Variants in STAU1 observed in about 807,000 individuals in gnomAD.
The protein encoded by STAU1 is staufen double-stranded RNA binding protein 1.
Under a neutral mutation model 62.9 loss-of-function variants are expected in STAU1, and 13 were observed. The ratio of observed to expected loss-of-function variants is 0.21; its 90% CI spans 0.13 to 0.33. The LOEUF (loss-of-function observed/expected upper bound fraction) is 0.33. Ranked by LOEUF, STAU1 falls within the 10% of genes least tolerant of loss-of-function variation. The probability of loss-of-function intolerance (pLI) is 1.00; values close to 1 mark genes in which losing one functional copy is unlikely to be tolerated. For missense variants in STAU1, 571 were observed against 712.1 expected (o/e 0.80, Z 2.25); for synonymous variants, 269 against 265.1 (o/e 1.01, Z -0.14).
At chr20:49,135,177 AG>A (rs1352957160) in intron 6 of STAU1, among the ~76,000 whole-genome samples, 1 of 151,074 alleles carries the variant, frequency 6.6e-6, no homozygotes, top group African/African-American at 2.4e-5. Context: ...GAGAAAAGAA[AG>A]TGGGTTATCA....
chr20:49,185,614 G>C (rs890113658), intron 1 of STAU1, among the ~76,000 whole-genome samples: 1 of 152,114 alleles, frequency 6.6e-6, no homozygotes, highest in Admixed American at 6.5e-5. Flanking sequence ...TTTAAGATTT[G>C]TTTCAAAATA....
intron 6 of STAU1, among the ~76,000 whole-genome samples, chr20:49,135,466 A>G (rs2092857648): frequency 2.0e-5 from 3 of 152,236 alleles, no homozygotes; most frequent in Admixed American, 2.0e-4. Context: ...ATTACTCTGA[A>G]GAGACCTTTA....
chr20:49,208,241 G>A, the STAU1 span, among the ~76,000 whole-genome samples: 2 of 152,110 alleles, frequency 1.3e-5, no homozygotes, highest in African/African-American at 4.8e-5. Context: ...TGTATTTTTA[G>A]TAGAGACGGG....
At chr20:49,133,886 G>A (rs2092809805) in intron 6 of STAU1, among the ~76,000 whole-genome samples, 1 of 152,080 alleles carries the variant, frequency 6.6e-6, no homozygotes, top group African/African-American at 2.4e-5. Flanking sequence ...TCAGCAGGGT[G>A]AGGTGAGAAA....
chr20:49,184,986 G>T (rs1047003916), intron 1 of STAU1, among the ~76,000 whole-genome samples: 8 of 152,158 alleles, frequency 5.3e-5, no homozygotes, highest in Admixed American at 2.0e-4. Context: ...AACTTCCATT[G>T]TAAGAGAGAT....
At chr20:49,187,312 T>C (rs540932278) in intron 1 of STAU1, among the ~76,000 whole-genome samples, 3 of 152,142 alleles carry the variant, frequency 2.0e-5, no homozygotes, top group Non-Finnish European at 4.4e-5. Context: ...GCATCCATCG[T>C]TTACAGACTG....
Position 49,135,828 on chromosome 20 carries a change from C to T in STAU1, c.609+5G>A, listed in dbSNP as rs780056670. The T allele has an allele frequency of 2.5e-6, 4 of 1,610,554 alleles. No individual in the cohort carries two copies. Among genetic ancestry groups the T allele is most frequent in the East Asian group, 4.5e-5 (2 of 44,860 alleles). On this transcript the variant is annotated splice_donor_5th_base_variant and intron_variant, in intron 6 of 13. Coordinates refer to ENST00000371856, the MANE Select transcript of STAU1 (RefSeq NM_017453.4). ...TACAAAGTCCTACATGTAAAATTAG[C>T]TTACCTCGAAATTCACAGGCAAGTT...
At chr20:49,195,850 A>G in the STAU1 span, among the ~76,000 whole-genome samples, 1 of 138,236 alleles carries the variant, frequency 7.2e-6, no homozygotes, top group Non-Finnish European at 1.5e-5. Context: ...TTGCAGTGAG[A>G]TAGCGCCATT....
At chr20:49,132,832 T>C (rs2092781388) in intron 6 of STAU1, among the ~76,000 whole-genome samples, 1 of 152,182 alleles carries the variant, frequency 6.6e-6, no homozygotes, top group African/African-American at 2.4e-5. Context: ...TCTTCCCCTA[T>C]TAAAACACCT....
the STAU1 span, among the ~76,000 whole-genome samples, chr20:49,213,268 T>C: frequency 6.6e-6 from 1 of 152,038 alleles, no homozygotes; most frequent in Non-Finnish European, 1.5e-5. Flanking sequence ...TTTCTCTCTG[T>C]CACCCAGGCT....
At position 49,147,592 on chromosome 20, in the gene STAU1, T is replaced by C. The variant is rs1385714292; in HGVS notation, c.510+3990A>G. Among the ~76,000 whole-genome samples the C allele has an allele frequency of 1.8e-4, 27 of 152,248 alleles. 1 individual carries two copies. The highest frequency in any genetic ancestry group is 1.8e-3 in the Admixed American group (27 of 15,284). On this transcript the variant is annotated intron_variant, in intron 5 of 13. Coordinates refer to ENST00000371856, the MANE Select transcript of STAU1 (RefSeq NM_017453.4). ...ACTTGGCCATATGTACCACCATGCA[T>C]ACCCGCTGGTTCAGCAATTCCACTT...
At chr20:49,211,377 T>TC in the STAU1 span, among the ~76,000 whole-genome samples, 1 of 151,426 alleles carries the variant, frequency 6.6e-6, no homozygotes, top group African/African-American at 2.4e-5. Context: ...TCTTTTTTTT[T>TC]TTCTTTTAAT....
intron 6 of STAU1, among the ~76,000 whole-genome samples, chr20:49,127,204 A>G (rs1031734480): frequency 1.3e-5 from 2 of 151,932 alleles, no homozygotes; most frequent in Non-Finnish European, 2.9e-5. Flanking sequence ...AATATAAAAA[A>G]TTAGCTGGGC....
In STAU1 at chr20:49,177,611, G is replaced by A. The variant is rs143923594; in HGVS notation, c.-159-3342C>T. On this transcript the variant is annotated intron_variant, in intron 1 of 13. Coordinates refer to ENST00000371856, the MANE Select transcript of STAU1 (RefSeq NM_017453.4). ...GGAGACTGGCATGAATTCAGGAGGC[G>A]GAGCTTGCAGTGAGCCGAGATCACA... Among the ~76,000 whole-genome samples the A allele has an allele frequency of 9.1e-3, 1,374 of 151,326 alleles. 21 individuals carry two copies. The highest frequency in any genetic ancestry group is 0.029 in the African/African-American group (1,187 of 41,212).
At chr20:49,148,540 ACT>A (rs2093174971) in intron 5 of STAU1, among the ~76,000 whole-genome samples, 1 of 152,182 alleles carries the variant, frequency 6.6e-6, no homozygotes. Context: ...TGAATTAATG[ACT>A]CTTCACTTCA....
chr20:49,118,298 C>T (rs368276961), intron 10 of STAU1, 35 bp downstream of exon 10: 2 of 1,581,204 alleles, frequency 1.3e-6, no homozygotes, highest in Non-Finnish European at 1.7e-6. Flanking sequence ...CCCAGAATCA[C>T]GTTCAGAGGA....
At chr20:49,169,893 T>C (rs761804220) in intron 2 of STAU1, among the ~76,000 whole-genome samples, 1 of 152,220 alleles carries the variant, frequency 6.6e-6, no homozygotes, top group Non-Finnish European at 1.5e-5. Flanking sequence ...GATAGAGTTA[T>C]AGGTGTTTCT....
intron 9 of STAU1, among the ~76,000 whole-genome samples, chr20:49,119,173 C>T (rs1310009469): frequency 6.6e-6 from 1 of 152,122 alleles, no homozygotes; most frequent in Non-Finnish European, 1.5e-5. Context: ...CTGGCAGACA[C>T]GAATTTTTCT....
Position 49,117,825 on chromosome 20 carries a change from C to T in STAU1, c.1461G>A (p.Thr487=), listed in dbSNP as rs760927466. ...SSGHVPHGPL[T]RPSEQLDYLS... is the part of the protein sequence containing the mutation. ...GATAGTCCAGTTGCTCAGAGGGTCTCGTGAGAGGTCCATGGGGTACGTGGC... is the reference window on the plus strand; with the variant it reads ...GATAGTCCAGTTGCTCAGAGGGTCTTGTGAGAGGTCCATGGGGTACGTGGC... Residue 487 remains threonine (T), a synonymous_variant, in exon 11 of 14, where the codon ACG becomes ACA. Transcript: ENST00000371856. This position sits in a 1 kb window ranked among gnomAD's most constrained non-coding sequence, Gnocchi z 4.6. 3.4e-5 allele frequency: 55 copies of T among 1,613,960 alleles called. No homozygotes were observed. The highest frequency in any genetic ancestry group is 4.2e-5 in the Non-Finnish European group (49 of 1,180,016).
Sources: allele counts gnomAD v4.1 joint callset (sites outside exome capture counted in the v4.1 genomes callset), GRCh38; gene constraint gnomAD v4.1.1; non-coding constraint Gnocchi (gnomAD v3.1); transcripts MANE v1.5; gene names NCBI Gene and HGNC (gene_info 2026-07-23, HGNC 2026-07-21).